The following ABI3BP variants were observed in gnomAD, a reference collection of about 807,000 sequenced individuals.
ABI3BP encodes the protein ABI family member 3 binding protein.
In ABI3BP, 216 loss-of-function variants were observed where a neutral mutation model predicts 268.6. That is an observed-to-expected ratio of 0.80 (90% CI 0.72 to 0.90). The LOEUF (loss-of-function observed/expected upper bound fraction) is 0.90. Among genes scored for constraint, ABI3BP ranks in the 40% least tolerant of loss-of-function variants. The pLI, the probability that ABI3BP is intolerant of heterozygous loss-of-function variation, is 0.00. For synonymous variants in ABI3BP, 730 were observed against 730.0 expected, an observed-to-expected ratio of 1.00 and a Z score of 0.00; for missense variants, 2,090 against 2,182.4, an observed-to-expected ratio of 0.96 and a Z score of 0.84.
At chr3:100,847,968 C>G (rs947615416) in intron 18 of ABI3BP, among the ~76,000 whole-genome samples, 1 of 152,174 alleles carries the variant, frequency 6.6e-6, no homozygotes, top group Non-Finnish European at 1.5e-5. Context: ...ACCACCCAAA[C>G]TCTGTGCTAT....
At chr3:100,923,158 T>C (rs1253482070) in intron 2 of ABI3BP, among the ~76,000 whole-genome samples, 1 of 152,248 alleles carries the variant, frequency 6.6e-6, no homozygotes, top group Non-Finnish European at 1.5e-5. Flanking sequence ...AATAGCCTTC[T>C]TGGAGTTGTG....
chr3:100,845,756 G>A (rs954877824), intron 20 of ABI3BP, among the ~76,000 whole-genome samples: 19 of 151,624 alleles, frequency 1.3e-4, no homozygotes, highest in Admixed American at 9.9e-4. Context: ...ACTCCAAGAT[G>A]TGGTCATTCA....
intron 9 of ABI3BP, among the ~76,000 whole-genome samples, chr3:100,867,498 G>T (rs889973406): frequency 6.6e-6 from 1 of 151,578 alleles, no homozygotes; most frequent in South Asian, 2.1e-4. Flanking sequence ...AAAATTAGCC[G>T]GGTGTGGTGG....
At chr3:100,898,945 C>G in intron 3 of ABI3BP, 51 bp from the exon 4 acceptor site, 1 of 1,525,784 alleles carries the variant, frequency 6.6e-7, no homozygotes, top group Non-Finnish European at 8.8e-7. Flanking sequence ...TAGTAAGTTG[C>G]CATGATTCGG....
intron 63 of ABI3BP, among the ~76,000 whole-genome samples, chr3:100,765,594 T>G (rs2096237220): frequency 1.3e-5 from 2 of 152,170 alleles, no homozygotes; most frequent in African/African-American, 2.4e-5. Flanking sequence ...GTATCAGATG[T>G]TTTTTTAAAG....
intron 20 of ABI3BP, among the ~76,000 whole-genome samples, chr3:100,844,984 A>G (rs112860706): frequency 0.049 from 7,413 of 152,308 alleles, 221 homozygotes; most frequent in Non-Finnish European, 0.052. Flanking sequence ...CTTAGAAACC[A>G]CTGAAATGAA....
At chr3:100,906,727 G>A (rs1004341756) in intron 2 of ABI3BP, among the ~76,000 whole-genome samples, 1 of 152,074 alleles carries the variant, frequency 6.6e-6, no homozygotes, top group Non-Finnish European at 1.5e-5. Context: ...TGGAGGACAG[G>A]GACAGTTTAC....
At chr3:100,923,362 T>C (rs1302220683) in intron 2 of ABI3BP, among the ~76,000 whole-genome samples, 3 of 152,184 alleles carry the variant, frequency 2.0e-5, no homozygotes, top group Admixed American at 6.5e-5. Context: ...ATCTACCTAA[T>C]GTAAATTATT....
chr3:100,786,780 G>C (rs1489058849), intron 57 of ABI3BP, among the ~76,000 whole-genome samples: 2 of 152,138 alleles, frequency 1.3e-5, no homozygotes, highest in African/African-American at 4.8e-5. Context: ...AATAGATATT[G>C]AGATGCTTTC....
At chr3:100,850,354 A>G (rs1171840786) in intron 16 of ABI3BP, among the ~76,000 whole-genome samples, 1 of 152,252 alleles carries the variant, frequency 6.6e-6, no homozygotes, top group Non-Finnish European at 1.5e-5. Context: ...ATGGAAGTAA[A>G]GTGACACAGG....
At chr3:100,763,634 T>C (rs1355410348) in intron 63 of ABI3BP, among the ~76,000 whole-genome samples, 3 of 152,128 alleles carry the variant, frequency 2.0e-5, no homozygotes, top group African/African-American at 7.2e-5. Flanking sequence ...CCATACTGTC[T>C]TTCAGTGTGA....
chr3:100,851,737 A>G, intron 15 of ABI3BP, 138 bp downstream of exon 15: 1 of 670,260 alleles, frequency 1.5e-6, no homozygotes, highest in Non-Finnish European at 2.5e-6. Context: ...GTAAAACACA[A>G]CTCCCTGACA....
At chr3:100,888,969 T>C (rs1267100844) in intron 4 of ABI3BP, among the ~76,000 whole-genome samples, 1 of 152,084 alleles carries the variant, frequency 6.6e-6, no homozygotes. Context: ...TAAATATTTG[T>C]GGAATGAATA....
chr3:100,962,943 A>G (rs1248336811), intron 1 of ABI3BP, among the ~76,000 whole-genome samples: 2 of 152,166 alleles, frequency 1.3e-5, no homozygotes, highest in African/African-American at 4.8e-5. Flanking sequence ...TTCACTAAGA[A>G]GTCTCAAAGG....
intron 49 of ABI3BP, among the ~76,000 whole-genome samples, 194 bp from the exon 50 acceptor site, chr3:100,808,429 A>G (rs2097770312): frequency 6.6e-6 from 1 of 152,084 alleles, no homozygotes. Flanking sequence ...GTCACATTAA[A>G]TGATATCTAA....
intron 1 of ABI3BP, among the ~76,000 whole-genome samples, chr3:100,961,811 C>A (rs2079207324): frequency 6.6e-6 from 1 of 152,136 alleles, no homozygotes; most frequent in Non-Finnish European, 1.5e-5. Flanking sequence ...TGAAAAATAG[C>A]CTTCATGGAT....
intron 1 of ABI3BP, among the ~76,000 whole-genome samples, chr3:100,973,139 G>A (rs2084474551): frequency 6.6e-6 from 1 of 152,202 alleles, no homozygotes; most frequent in Admixed American, 6.6e-5. Flanking sequence ...AGGCTGTGAT[G>A]TGCCTTATGG....
At chr3:100,821,206 C>T in intron 38 of ABI3BP, 93 bp from the exon 39 acceptor site, 2 of 1,063,578 alleles carry the variant, frequency 1.9e-6, no homozygotes, top group Admixed American at 2.1e-5. Context: ...TAGTATAATA[C>T]AGCTTATAGA....
chr3:100,837,047 A>T, intron 27 of ABI3BP, 77 bp downstream of exon 27: 1 of 1,328,656 alleles, frequency 7.5e-7, no homozygotes, highest in Non-Finnish European at 1.0e-6. Context: ...AATTGTGCAT[A>T]TTATAGCTAA....
Sources: allele counts gnomAD v4.1 joint callset (sites outside exome capture counted in the v4.1 genomes callset), GRCh38; gene constraint gnomAD v4.1.1; transcripts MANE v1.5; gene names NCBI Gene and HGNC (gene_info 2026-07-23, HGNC 2026-07-21).